Variants in ENTPD5 observed in about 807,000 individuals in gnomAD.
ENTPD5 encodes ectonucleoside triphosphate diphosphohydrolase 5 (inactive).
A neutral mutation model predicts 60.2 loss-of-function variants in ENTPD5; 49 were observed. The ratio of observed to expected loss-of-function variants is 0.81; its 90% CI spans 0.65 to 1.03. The LOEUF (loss-of-function observed/expected upper bound fraction) is 1.03. ENTPD5 is among the 50% of genes least tolerant of loss of function. The pLI is 0.00. For missense variants in ENTPD5, 480 were observed against 507.6 expected, an observed-to-expected ratio of 0.95 and a Z score of 0.52; for synonymous variants, 187 against 185.4, an observed-to-expected ratio of 1.01 and a Z score of -0.07.
rs2048270740 is a variant in ENTPD5 at position 73,965,274 on chromosome 14, T to C, written c.*1654A>G. 6.8e-6 allele frequency: 1 copy of C among 147,730 alleles called. No homozygotes were observed. The highest frequency in any genetic ancestry group is 6.6e-5 in the Admixed American group (1 of 15,120). 9.2% of individuals were successfully genotyped at this position (147,730 alleles called of 1,614,324 possible). On this transcript the variant is annotated 3_prime_UTR_variant, in exon 16 of 16. Coordinates refer to ENST00000334696, the MANE Select transcript of ENTPD5 (RefSeq NM_001249.5). ...TTAACATCCTTTGTGAGAGAGAGGA[T>C]GGAAACGGAGTCTACTGTGAAAGCC...
intron 3 of ENTPD5, among the ~76,000 whole-genome samples, chr14:73,993,642 A>G (rs1594916283): frequency 6.6e-6 from 1 of 152,096 alleles, no homozygotes; most frequent in Non-Finnish European, 1.5e-5. Flanking sequence ...AACAGAAACA[A>G]CTCTTCAGAG....
chr14:73,968,425 CTT>C (rs34108477), intron 15 of ENTPD5, among the ~76,000 whole-genome samples: 53,072 of 133,798 alleles, frequency 0.4, 10,740 homozygotes, highest in South Asian at 0.5. Context: ...TACTGATACT[CTT>C]TTTTTTTTTT....
In ENTPD5 at chr14:73,983,172, GATAACCC is replaced by G; in HGVS notation, c.298-18_298-12del. On this transcript the variant is annotated splice_polypyrimidine_tract_variant and intron_variant, in intron 5 of 15. Transcript: ENST00000334696. ...AACGGTCTCAGCACCCTTCAAAAGA[GATAACCC>G]GTTCATCTGATGAACGATCCATTTA... 1 of 1,605,032 alleles carries G rather than the reference GATAACCC, an allele frequency of 6.2e-7. No individual in the cohort carries two copies. Among genetic ancestry groups the G allele is most frequent in the Non-Finnish European group, 8.5e-7 (1 of 1,175,094 alleles).
intron 3 of ENTPD5, among the ~76,000 whole-genome samples, chr14:74,000,396 G>T (rs2058471100): frequency 6.6e-6 from 1 of 151,302 alleles, no homozygotes; most frequent in Non-Finnish European, 1.5e-5. Flanking sequence ...GGAGGTGGAG[G>T]TTGCTGTGAG....
At chr14:73,998,999 T>A (rs1029720779) in intron 3 of ENTPD5, among the ~76,000 whole-genome samples, 1 of 152,110 alleles carries the variant, frequency 6.6e-6, no homozygotes, top group East Asian at 1.9e-4. Flanking sequence ...GGTAGTTACA[T>A]GTAAGGACTG....
At chr14:73,959,526 A>G, downstream of ENTPD5, 1 of 1,613,846 alleles carries the variant, frequency 6.2e-7, no homozygotes, top group East Asian at 2.2e-5. Context: ...TGCCTTTGTG[A>G]GTATCAATTT....
At chr14:74,019,075 G>T (rs1410125408) in intron 1 of ENTPD5, 175 bp downstream of exon 1, 1 of 152,454 alleles carries the variant, frequency 6.6e-6, no homozygotes, top group Non-Finnish European at 1.5e-5. Flanking sequence ...CGGGACGGGC[G>T]GATCAGCGGG....
chr14:74,000,422 T>C (rs1043894666), intron 3 of ENTPD5, among the ~76,000 whole-genome samples: 3 of 151,412 alleles, frequency 2.0e-5, no homozygotes, highest in African/African-American at 4.9e-5. Flanking sequence ...ATCGCACCAC[T>C]GTACTCCAGC....
At chr14:73,961,904 G>GT, downstream of ENTPD5, 1 of 1,614,120 alleles carries the variant, frequency 6.2e-7, no homozygotes, top group Non-Finnish European at 8.5e-7. Flanking sequence ...TCCACTCAAA[G>GT]TAAGAGGTTG....
At chr14:73,976,911 T>C in intron 8 of ENTPD5, 113 bp downstream of exon 8, 1 of 1,006,452 alleles carries the variant, frequency 9.9e-7, no homozygotes. Context: ...CCAGCCTCTT[T>C]TCCTTTTTTA....
At chr14:73,963,011 C>A, downstream of ENTPD5, 1 of 1,600,340 alleles carries the variant, frequency 6.2e-7, no homozygotes, top group Non-Finnish European at 8.6e-7. Context: ...TACTCCTCTC[C>A]TAAAGAAAGA....
intron 3 of ENTPD5, among the ~76,000 whole-genome samples, chr14:73,998,111 A>T (rs2058393897): frequency 6.6e-6 from 1 of 152,050 alleles, no homozygotes; most frequent in Non-Finnish European, 1.5e-5. Flanking sequence ...CAAACAGAAA[A>T]CTGTTCTCAT....
rs907568891 is a variant in ENTPD5 at position 73,990,049 on chromosome 14, G to C, written c.-70-1877C>G. On this transcript the variant is annotated intron_variant, in intron 3 of 15. Coordinates refer to ENST00000334696, the MANE Select transcript of ENTPD5 (RefSeq NM_001249.5). ...ATAATAAATAAATTAGCCAGGTATG[G>C]TGGCACATGCCTATAGTCCCAGGTA... Among the ~76,000 whole-genome samples the C allele has an allele frequency of 2.0e-5, 3 of 151,908 alleles. No individual in the cohort carries two copies. The East Asian group carries it at 5.9e-4, about 30-fold the overall frequency.
intron 5 of ENTPD5, among the ~76,000 whole-genome samples, chr14:73,985,282 G>GTA (rs1474203826): frequency 2.0e-5 from 3 of 152,288 alleles, no homozygotes; most frequent in Middle Eastern, 6.8e-3. Context: ...GGGTCAAATG[G>GTA]TATTTCTATT....
At position 73,979,673 on chromosome 14, in the gene ENTPD5, G is replaced by A. The variant is rs1436172330; in HGVS notation, c.442-2299C>T. Among the ~76,000 whole-genome samples, 7 of 152,012 alleles carry A rather than the reference G, an allele frequency of 4.6e-5. No homozygotes were observed. In the East Asian group the frequency reaches 7.8e-4, roughly 17 times the overall value. ...TTTTTAGTAGAGACGGGGTTTCACCGTGTTAGCCAGGATGGTCTCGATCTC... is the reference window on the plus strand; with the variant it reads ...TTTTTAGTAGAGACGGGGTTTCACCATGTTAGCCAGGATGGTCTCGATCTC... On this transcript the variant is annotated intron_variant, in intron 6 of 15. Transcript: ENST00000334696.
chr14:74,002,426 A>G (rs925875851), intron 3 of ENTPD5, among the ~76,000 whole-genome samples: 1 of 152,032 alleles, frequency 6.6e-6, no homozygotes. Flanking sequence ...ACATAAAATC[A>G]AGAGCTTATT....
intron 14 of ENTPD5, 30 bp from the exon 15 acceptor site, chr14:73,970,155 A>G (rs767221030): frequency 3.8e-5 from 57 of 1,488,200 alleles, no homozygotes; most frequent in Non-Finnish European, 5.0e-5. Context: ...GTGGAGCTCA[A>G]GTTTGCAACT....
intron 3 of ENTPD5, among the ~76,000 whole-genome samples, chr14:73,998,763 A>T (rs1356788299): frequency 6.6e-6 from 1 of 152,106 alleles, no homozygotes; most frequent in Non-Finnish European, 1.5e-5. Flanking sequence ...GCTTTTCAGG[A>T]ATAAAACCAT....
At chr14:73,988,206 T>C in intron 3 of ENTPD5, 34 bp from the exon 4 acceptor site, 1 of 1,462,186 alleles carries the variant, frequency 6.8e-7, no homozygotes. Context: ...TTAGACCAAC[T>C]AGCTTTTTTA....
Sources: allele counts gnomAD v4.1 joint callset (sites outside exome capture counted in the v4.1 genomes callset), GRCh38; gene constraint gnomAD v4.1.1; transcripts MANE v1.5; gene names NCBI Gene and HGNC (gene_info 2026-07-23, HGNC 2026-07-21).